Variants in REEP3 observed in about 807,000 individuals in gnomAD.
The protein encoded by REEP3 is receptor expression-enhancing protein 3.
REEP3 carries 20 observed loss-of-function variants against 41.3 expected under a neutral mutation model. The observed-to-expected ratio is 0.48, with a 90% CI of 0.34 to 0.70. The LOEUF is 0.70. REEP3 is among the 30% of genes least tolerant of loss of function. The pLI is 0.01. For synonymous variants in REEP3, 104 were observed against 101.8 expected (o/e 1.02, Z -0.13); for missense variants, 271 against 308.8 (o/e 0.88, Z 0.92).
Position 63,566,390 on chromosome 10 carries a change from A to C in REEP3, c.85A>C (p.Thr29Pro). The change falls in exon 2 of 8, where the codon ACA (threonine) becomes CCA (proline). Residue 29 changes from threonine (T) to proline (P), a missense_variant. Transcript: ENST00000373758. ...PAYYSYKAVK[T>P]KNVKEYVRWM... Reference sequence around the variant, plus strand: ...ATATTATTCATACAAAGCTGTGAAAACAAAAAACGTGAAGGAATATGTAAG... The same window carrying C: ...ATATTATTCATACAAAGCTGTGAAACCAAAAAACGTGAAGGAATATGTAAG... 1 of 1,544,798 alleles carries C rather than the reference A, an allele frequency of 6.5e-7. No individual in the cohort carries two copies. Among genetic ancestry groups the C allele is most frequent in the Non-Finnish European group, 8.8e-7 (1 of 1,137,898 alleles).
Position 63,621,112 on chromosome 10 carries a change from G to A in REEP3, c.*243G>A, listed in dbSNP as rs988455793. On this transcript the variant is annotated 3_prime_UTR_variant, in exon 8 of 8. Coordinates refer to ENST00000373758, the MANE Select transcript of REEP3 (RefSeq NM_001001330.3). ...ATTAGAAATTATAGAAAATCATGTT[G>A]TCCGTTTTCAAATTCATCAACAGCC... 1.8e-5 allele frequency: 6 copies of A among 338,496 alleles called. No individual in the cohort carries two copies. Among genetic ancestry groups the A allele is most frequent in the Non-Finnish European group, 3.3e-5 (6 of 184,442 alleles). 21.0% of individuals were successfully genotyped at this position (338,496 alleles called of 1,614,324 possible).
intron 1 of REEP3, among the ~76,000 whole-genome samples, chr10:63,558,150 A>C (rs1230567843): frequency 1.3e-5 from 2 of 152,254 alleles, no homozygotes; most frequent in Non-Finnish European, 2.9e-5. Flanking sequence ...AGACAGGTGT[A>C]ATAATTTAGG....
intron 2 of REEP3, among the ~76,000 whole-genome samples, chr10:63,593,260 T>A (rs1956082346): frequency 6.6e-6 from 1 of 152,214 alleles, no homozygotes; most frequent in African/African-American, 2.4e-5. Flanking sequence ...CCCAGTTATA[T>A]ATAAGGACCT....
intron 2 of REEP3, among the ~76,000 whole-genome samples, chr10:63,572,324 C>G (rs867932063): frequency 6.6e-6 from 1 of 150,988 alleles, no homozygotes; most frequent in Admixed American, 6.6e-5. Flanking sequence ...TTTAATTATA[C>G]TTTAAGTTCT....
rs373618451 is a variant in REEP3 at position 63,599,204 on chromosome 10, G to A, written c.338G>A (p.Arg113Gln). The A allele has an allele frequency of 7.2e-5, 115 of 1,591,874 alleles. No individual in the cohort carries two copies. Among genetic ancestry groups the A allele is most frequent in the Middle Eastern group, 3.3e-4 (2 of 6,058 alleles). The change falls in exon 5 of 8, where the codon CGA (arginine) becomes CAA (glutamine). Residue 113 changes from arginine (R) to glutamine (Q), a missense_variant. Coordinates refer to ENST00000373758, the MANE Select transcript of REEP3 (RefSeq NM_001001330.3). ...GATTATATTGTACAAGCAAAGGAAC[G>A]AGGCTATGAAACCATGGTAAACTTT... ...IDDYIVQAKE[R>Q]GYETMVNFGR...
chr10:63,595,195 A>G (rs1956102407), intron 3 of REEP3, among the ~76,000 whole-genome samples: 1 of 152,214 alleles, frequency 6.6e-6, no homozygotes, highest in South Asian at 2.1e-4. Context: ...CCACTTTTGA[A>G]GCCCACAGCA....
chr10:63,551,615 A>G (rs573017970), intron 1 of REEP3, among the ~76,000 whole-genome samples: 5 of 152,338 alleles, frequency 3.3e-5, no homozygotes, highest in African/African-American at 1.2e-4. Flanking sequence ...ATCTTGAGAA[A>G]AATTTCAGAC....
chr10:63,564,650 T>G (rs1437621060), intron 1 of REEP3, among the ~76,000 whole-genome samples: 1 of 151,644 alleles, frequency 6.6e-6, no homozygotes, highest in Non-Finnish European at 1.5e-5. Context: ...CGCATTAAAA[T>G]AGCTATAAGG....
intron 1 of REEP3, among the ~76,000 whole-genome samples, chr10:63,556,020 C>G (rs1955675201): frequency 6.6e-6 from 1 of 151,874 alleles, no homozygotes; most frequent in African/African-American, 2.4e-5. Context: ...TATGAAGTTC[C>G]TAAGAAACAT....
At chr10:63,571,931 G>A (rs1045240777) in intron 2 of REEP3, among the ~76,000 whole-genome samples, 2 of 152,182 alleles carry the variant, frequency 1.3e-5, no homozygotes, top group Non-Finnish European at 2.9e-5. Flanking sequence ...AGAAACACAG[G>A]TGAAGATTCT....
Position 63,620,905 on chromosome 10 carries a change from C to G in REEP3, c.*36C>G, listed in dbSNP as rs755179670. On this transcript the variant is annotated 3_prime_UTR_variant, in exon 8 of 8. Coordinates refer to ENST00000373758, the MANE Select transcript of REEP3 (RefSeq NM_001001330.3). ...GTCAAATATCCCAAGACAGATTATG[C>G]TAAATACATCGACTTCATCTTCTAA... 13 of 1,287,958 alleles carry G rather than the reference C, an allele frequency of 1.0e-5. No homozygotes were observed. Among genetic ancestry groups the G allele is most frequent in the Non-Finnish European group, 1.3e-5 (12 of 900,346 alleles). The allele number at this position is 1,287,958 out of a possible 1,614,324, so 79.8% of individuals were successfully genotyped here.
intron 1 of REEP3, among the ~76,000 whole-genome samples, chr10:63,526,532 G>A (rs2133335541): frequency 6.6e-6 from 1 of 152,182 alleles, no homozygotes; most frequent in Non-Finnish European, 1.5e-5. Context: ...CATGCTAGCA[G>A]CAATGTGTGA....
chr10:63,607,477 T>G (rs543985035), intron 5 of REEP3, among the ~76,000 whole-genome samples: 2 of 152,306 alleles, frequency 1.3e-5, no homozygotes, highest in African/African-American at 4.8e-5. Context: ...AAGCAAACCC[T>G]TGGTAGGTGG....
chr10:63,566,278 T>G lies in REEP3; in HGVS notation c.33-60T>G, dbSNP rs1262990795. The G allele has an allele frequency of 4.4e-6, 4 of 918,128 alleles. No individual in the cohort carries two copies. The African/African-American group carries it at 6.7e-5, about 15-fold the overall frequency. The allele number at this position is 918,128 out of a possible 1,614,324, so 56.9% of individuals were successfully genotyped here. ...GTTATTTGTTTATTAGGTTAAATTT[T>G]TATGAGCTGTTTAAAACATTGTTGT... On this transcript the variant is annotated intron_variant, in intron 1 of 7. Coordinates refer to ENST00000373758, the MANE Select transcript of REEP3 (RefSeq NM_001001330.3).
chr10:63,606,105 A>G lies in REEP3; in HGVS notation c.418-4082A>G, dbSNP rs1377836516. The G allele has an allele frequency of 5.2e-6, 5 of 959,996 alleles. No homozygotes were observed. The East Asian group carries it at 4.6e-4, about 88-fold the overall frequency. 59.5% of individuals were successfully genotyped at this position (959,996 alleles called of 1,614,324 possible). On this transcript the variant is annotated intron_variant, in intron 5 of 7. Transcript: ENST00000373758. ...CATAATCTCTGTTACTTTGATTGTT[A>G]GGATCAATTTTAACATACACAGAGT...
chr10:63,620,514 G>T (rs1169622452), intron 7 of REEP3, among the ~76,000 whole-genome samples: 2 of 152,132 alleles, frequency 1.3e-5, no homozygotes, highest in Non-Finnish European at 2.9e-5. Context: ...AGCAGTGGAG[G>T]ACTGTGAATG....
intron 1 of REEP3, among the ~76,000 whole-genome samples, chr10:63,556,352 C>T (rs1955679601): frequency 6.6e-6 from 1 of 151,710 alleles, no homozygotes; most frequent in Non-Finnish European, 1.5e-5. Flanking sequence ...GAACTCCTGA[C>T]CTCAAATGAT....
At chr10:63,602,304 G>A (rs971214295) in intron 5 of REEP3, among the ~76,000 whole-genome samples, 1 of 152,174 alleles carries the variant, frequency 6.6e-6, no homozygotes, top group African/African-American at 2.4e-5. Context: ...ATTTGTTACA[G>A]TAGGAAAGTA....
At chr10:63,618,719 G>C (rs1956331174) in intron 6 of REEP3, among the ~76,000 whole-genome samples, 1 of 152,244 alleles carries the variant, frequency 6.6e-6, no homozygotes, top group Non-Finnish European at 1.5e-5. Flanking sequence ...CAGAAATGCA[G>C]ATTCTCAGCC....
Sources: allele counts gnomAD v4.1 joint callset (sites outside exome capture counted in the v4.1 genomes callset), GRCh38; gene constraint gnomAD v4.1.1; transcripts MANE v1.5; gene names NCBI Gene and HGNC (gene_info 2026-07-23, HGNC 2026-07-21).